Variants in HOXA2 observed in about 807,000 individuals in gnomAD.
HOXA2 encodes homeobox protein Hox-A2.
HOXA2 carries 4 observed loss-of-function variants against 27.2 expected under a neutral mutation model. The observed-to-expected ratio is 0.15, with a 90% confidence interval of 0.07 to 0.34. HOXA2 has a LOEUF of 0.34. HOXA2 is among the 10% of genes least tolerant of loss of function. The probability of loss-of-function intolerance (pLI) is 1.00; values close to 1 mark genes in which losing one functional copy is unlikely to be tolerated. For missense variants in HOXA2, 430 were observed against 473.2 expected, an observed-to-expected ratio of 0.91 and a Z score of 0.85; for synonymous variants, 200 against 202.8, an observed-to-expected ratio of 0.99 and a Z score of 0.12.
intron 1 of HOXA2, chr7:27,101,804 A>T (rs1350384509): frequency 1.5e-6 from 1 of 689,212 alleles, no homozygotes; most frequent in Non-Finnish European, 2.6e-6. Context: ...AAAAAGCCAA[A>T]CTCTAGGACA....
chr7:27,102,240 G>A lies in HOXA2; in HGVS notation c.261C>T (p.Ala87=), dbSNP rs1783941692. 2 of 1,481,838 alleles carry A rather than the reference G, an allele frequency of 1.3e-6. No homozygotes were observed. Among genetic ancestry groups the A allele is most frequent in the African/African-American group, 1.5e-5 (1 of 67,990 alleles). 91.8% of individuals were successfully genotyped at this position (1,481,838 alleles called of 1,614,324 possible). The stretch of plus-strand genomic sequence containing the variant: ...GGTACTCGGGCGGCTGCAGGGCGCC[G>A]GCGGGCACCGGGCTGCCGCGGCTGC... ...PAGSRGSPVP[A]GALQPPEYPW... The change falls in exon 1 of 2, where the codon GCC becomes GCT. Residue 87 remains alanine, a synonymous_variant. Coordinates refer to ENST00000222718, the MANE Select transcript of HOXA2 (RefSeq NM_006735.4). The surrounding 1 kb of genome is among the most constrained non-coding windows in gnomAD (Gnocchi z 4.6).
Position 27,101,356 on chromosome 7 carries a change from G to A in HOXA2, c.501C>T (p.Tyr167=), listed in dbSNP as rs752989766. ...ELEKEFHFNK[Y]LCRPRRVEIA... ...TCTCCACCCTTCGGGGTCTGCAAAG[G>A]TACTTGTTGAAATGAAATTCTTTTT... The change falls in exon 2 of 2, where the codon TAC becomes TAT. Residue 167 remains tyrosine, a synonymous_variant. Transcript: ENST00000222718. 2.5e-6 allele frequency: 4 copies of A among 1,612,772 alleles called. No individual in the cohort carries two copies. The highest frequency in any genetic ancestry group is 2.2e-5 in the East Asian group (1 of 44,878).
Position 27,102,223 on chromosome 7 carries a change from G to A in HOXA2, c.278C>T (p.Pro93Leu). 1 of 1,509,392 alleles carries A rather than the reference G, an allele frequency of 6.6e-7. No individual in the cohort carries two copies. Among genetic ancestry groups the A allele is most frequent in the Non-Finnish European group, 8.9e-7 (1 of 1,129,822 alleles). The allele number at this position is 1,509,392 out of a possible 1,614,324, so 93.5% of individuals were successfully genotyped here. A position where few individuals can be genotyped will look rare whatever the true frequency, so the allele number is the denominator to read the frequency against. The change falls in exon 1 of 2, where the codon CCC becomes CTC. Residue 93 changes from proline (P) to leucine (L), a missense_variant. Pro to Leu is a moderately conservative substitution (Grantham distance 98). Around this residue, in one of 4 missense-constraint regions of HOXA2, gnomAD observed 166 missense variants for 207.6 expected, o/e 0.80. Coordinates refer to ENST00000222718, the MANE Select transcript of HOXA2 (RefSeq NM_006735.4). This position sits in a 1 kb window ranked among gnomAD's most constrained non-coding sequence, Gnocchi z 4.6. The stretch of plus-strand genomic sequence containing the variant: ...CTTCTCCTTCATCCAGGGGTACTCG[G>A]GCGGCTGCAGGGCGCCGGCGGGCAC... ...SPVPAGALQPPEYPWMKEKKA... is the reference protein window; with the variant it reads ...SPVPAGALQPLEYPWMKEKKA...
In HOXA2 at chr7:27,101,408, T is replaced by G. The variant is rs757201406; in HGVS notation, c.449A>C (p.Tyr150Ser). The G allele has an allele frequency of 6.2e-7, 1 of 1,604,302 alleles. No homozygotes were observed. The highest frequency in any genetic ancestry group is 8.5e-7 in the Non-Finnish European group (1 of 1,179,992). Reference sequence around the variant, plus strand: ...CAGCTCTAGAAGCTGTGTGTTGGTGTAAGCAGTTCTCAGGCGCCGCGATCC... The same window carrying G: ...CAGCTCTAGAAGCTGTGTGTTGGTGGAAGCAGTTCTCAGGCGCCGCGATCC... ...GGGSRRLRTA[Y>S]TNTQLLELEK... The change falls in exon 2 of 2, where the codon TAC becomes TCC. Residue 150 changes from tyrosine to serine, a missense_variant. This residue lies in a region of HOXA2 where 2 missense variants were observed against 16.1 expected (regional missense o/e 0.12). Transcript: ENST00000222718.
chr7:27,101,573 CA>C, intron 1 of HOXA2, 108 bp from the exon 2 acceptor site: 1 of 1,313,916 alleles, frequency 7.6e-7, no homozygotes, highest in Non-Finnish European at 1.1e-6. Context: ...TCAACTGCAA[CA>C]AAATGGCCGC....
Position 27,100,987 on chromosome 7 carries a change from CTG to C in HOXA2, c.868_869del (p.Gln290ValfsTer22). 1.9e-6 allele frequency: 3 copies of C among 1,614,204 alleles called. No homozygotes were observed. The highest frequency in any genetic ancestry group is 2.5e-6 in the Non-Finnish European group (3 of 1,180,048). ...ACAAGCAGTTGGGAACAGTGGGTGA[CTG>C]GTGCTGAAAATGTTTCAGATTTTTC... ...NEKNLKHFQHQSPTVPNCLST... is the reference protein window; with the variant it reads ...NEKNLKHFQHXSPTVPNCLST... On this transcript the variant is annotated frameshift_variant, in exon 2 of 2. Coordinates refer to ENST00000222718, the MANE Select transcript of HOXA2 (RefSeq NM_006735.4).
rs764835609 is a variant in HOXA2 at position 27,102,135 on chromosome 7, G to T, written c.366C>A (p.Thr122=). 1.9e-6 allele frequency: 3 copies of T among 1,598,750 alleles called. No homozygotes were observed. The highest frequency in any genetic ancestry group is 1.7e-5 in the Admixed American group (1 of 58,114). The change falls in exon 1 of 2, where the codon ACC becomes ACA. Residue 122 remains threonine, a synonymous_variant. Transcript: ENST00000222718. This position sits in a 1 kb window ranked among gnomAD's most constrained non-coding sequence, Gnocchi z 4.6. ...AAAAAATAAA[T]GPACLSHKES... Reference sequence around the variant, plus strand: ...CTTTGTGGCTGAGGCAAGCAGGGCCGGTGGCTGCGGCGGTGGCGGCGGCGG... The same window carrying T: ...CTTTGTGGCTGAGGCAAGCAGGGCCTGTGGCTGCGGCGGTGGCGGCGGCGG...
Position 27,102,560 on chromosome 7 carries a change from G to A in HOXA2, c.-60C>T. 2 of 1,549,418 alleles carry A rather than the reference G, an allele frequency of 1.3e-6. No individual in the cohort carries two copies. The highest frequency in any genetic ancestry group is 2.2e-5 in the East Asian group (1 of 44,534). On this transcript the variant is annotated 5_prime_UTR_variant, in exon 1 of 2. Transcript: ENST00000222718. The surrounding 1 kb of genome is among the most constrained non-coding windows in gnomAD (Gnocchi z 4.6). Reference sequence around the variant, plus strand: ...TCCCTCTTTTGGAGGGGCTTTGGGGGGGCAAGGCCTAGGAAAAAGGCGAGC... The same window carrying A: ...TCCCTCTTTTGGAGGGGCTTTGGGGAGGCAAGGCCTAGGAAAAAGGCGAGC...
rs762323908 is a variant in HOXA2, at chr7:27,101,092, G to A, written c.765C>T (p.Ala255=). 4.3e-6 allele frequency: 7 copies of A among 1,614,086 alleles called. No individual in the cohort carries two copies. The highest frequency in any genetic ancestry group is 5.9e-6 in the Non-Finnish European group (7 of 1,180,048). ...CATTGGGAGCCTGCTGCTGAGAGAG[G>A]GCATTTTGCTGAAAAGTGTAGCCTT... ...EREGYTFQQN[A]LSQQQAPNGH... The change falls in exon 2 of 2, where the codon GCC becomes GCT. Residue 255 remains alanine, a synonymous_variant. Coordinates refer to ENST00000222718, the MANE Select transcript of HOXA2 (RefSeq NM_006735.4).
chr7:27,101,176 C>T lies in HOXA2; in HGVS notation c.681G>A (p.Glu227=). The change falls in exon 2 of 2, where the codon GAG becomes GAA. Residue 227 remains glutamate (E), a synonymous_variant. Transcript: ENST00000222718. ...CTTGCTCAAAGAGCGTCTTCTCTTC[C>T]TCGTCCTCCTCTACTTTCTCGGAGT... The part of the protein sequence containing the change: ...LEDSEKVEED[E]EEKTLFEQAL... The T allele has an allele frequency of 1.2e-6, 2 of 1,614,178 alleles. No homozygotes were observed. Among genetic ancestry groups the T allele is most frequent in the Non-Finnish European group, 8.5e-7 (1 of 1,180,024 alleles).
chr7:27,100,987 C>T lies in HOXA2; in HGVS notation c.870G>A (p.Gln290=). 2.5e-6 allele frequency: 4 copies of T among 1,614,204 alleles called. No homozygotes were observed. Among genetic ancestry groups the T allele is most frequent in the Non-Finnish European group, 3.4e-6 (4 of 1,180,048 alleles). ...ACAAGCAGTTGGGAACAGTGGGTGACTGGTGCTGAAAATGTTTCAGATTTT... is the reference window on the plus strand; with the variant it reads ...ACAAGCAGTTGGGAACAGTGGGTGATTGGTGCTGAAAATGTTTCAGATTTT... ...NEKNLKHFQH[Q]SPTVPNCLST... is the part of the protein sequence containing the mutation. Residue 290 remains glutamine (Q), a synonymous_variant, in exon 2 of 2, where the codon CAG becomes CAA. Coordinates refer to ENST00000222718, the MANE Select transcript of HOXA2 (RefSeq NM_006735.4).
rs751247463 is a variant in HOXA2, at chr7:27,100,685, G to T, written c.*41C>A. Reference sequence around the variant, plus strand: ...AAGAAGGCAAAACCACCTGGTCAAAGGAGTTTTTGTTTGGTGATGCTTTGT... The same window carrying T: ...AAGAAGGCAAAACCACCTGGTCAAATGAGTTTTTGTTTGGTGATGCTTTGT... On this transcript the variant is annotated 3_prime_UTR_variant, in exon 2 of 2. Transcript: ENST00000222718. The T allele has an allele frequency of 6.2e-7, 1 of 1,611,926 alleles. No homozygotes were observed. Among genetic ancestry groups the T allele is most frequent in the Non-Finnish European group, 8.5e-7 (1 of 1,178,520 alleles).
rs755550406 is a variant in HOXA2 at position 27,101,789 on chromosome 7, C to G, written c.391+321G>C. ...AAGAGCGATCTATCACTCTTCATTA[C>G]TGTCAAAAAGCCAAACTCTAGGACA... On this transcript the variant is annotated intron_variant, in intron 1 of 1. Transcript: ENST00000222718. 4.8e-5 allele frequency: 33 copies of G among 686,738 alleles called. 1 individual carries two copies. In the South Asian group the frequency reaches 4.8e-4, roughly 10 times the overall value. 42.5% of individuals were successfully genotyped at this position (686,738 alleles called of 1,614,324 possible). A position where few individuals can be genotyped will look rare whatever the true frequency, so the allele number is the denominator to read the frequency against.
Position 27,100,615 on chromosome 7 carries a change from G to C in HOXA2, c.*111C>G. 1 of 1,146,756 alleles carries C rather than the reference G, an allele frequency of 8.7e-7. No individual in the cohort carries two copies. The highest frequency in any genetic ancestry group is 1.3e-6 in the Non-Finnish European group (1 of 770,060). 71.0% of individuals were successfully genotyped at this position (1,146,756 alleles called of 1,614,324 possible). ...GAAAATCCTCAACACTTAAAGGAGG[G>C]AAGGGGTAGGTCAAGAAGAAAATAA... On this transcript the variant is annotated 3_prime_UTR_variant, in exon 2 of 2. Coordinates refer to ENST00000222718, the MANE Select transcript of HOXA2 (RefSeq NM_006735.4).
In HOXA2 at chr7:27,102,577, A is replaced by G; in HGVS notation, c.-77T>C. On this transcript the variant is annotated 5_prime_UTR_variant, in exon 1 of 2. Transcript: ENST00000222718. The surrounding 1 kb of genome is among the most constrained non-coding windows in gnomAD (Gnocchi z 4.6). Reference sequence around the variant, plus strand: ...CTTTGGGGGGGCAAGGCCTAGGAAAAAGGCGAGCGCAGAGGAAAAAAAATC... The same window carrying G: ...CTTTGGGGGGGCAAGGCCTAGGAAAGAGGCGAGCGCAGAGGAAAAAAAATC... The G allele has an allele frequency of 6.8e-7, 1 of 1,460,204 alleles. No individual in the cohort carries two copies. Among genetic ancestry groups the G allele is most frequent in the Non-Finnish European group, 9.5e-7 (1 of 1,052,412 alleles). 90.5% of individuals were successfully genotyped at this position (1,460,204 alleles called of 1,614,324 possible).
chr7:27,101,367 AATGAAATTCTTTTTCC>A lies in HOXA2; in HGVS notation c.474_489del (p.Glu159SerfsTer19). On this transcript the variant is annotated frameshift_variant, in exon 2 of 2. Transcript: ENST00000222718. ...CGGGGTCTGCAAAGGTACTTGTTGA[AATGAAATTCTTTTTCC>A]AGCTCTAGAAGCTGTGTGTTGGTGT... 1.2e-6 allele frequency: 2 copies of A among 1,611,606 alleles called. No individual in the cohort carries two copies. The highest frequency in any genetic ancestry group is 1.7e-6 in the Non-Finnish European group (2 of 1,180,032).
At position 27,102,552 on chromosome 7, in the gene HOXA2, C is replaced by CT; in HGVS notation, c.-53dup. On this transcript the variant is annotated 5_prime_UTR_variant, in exon 1 of 2. It removes the in-frame stop codon of an upstream open reading frame in the 5' UTR. Coordinates refer to ENST00000222718, the MANE Select transcript of HOXA2 (RefSeq NM_006735.4). The surrounding 1 kb of genome is among the most constrained non-coding windows in gnomAD (Gnocchi z 4.6). ...GAAAAAGTTCCCTCTTTTGGAGGGG[C>CT]TTTGGGGGGGCAAGGCCTAGGAAAA... 6.3e-7 allele frequency: 1 copy of CT among 1,578,810 alleles called. No homozygotes were observed. Among genetic ancestry groups the CT allele is most frequent in the Non-Finnish European group, 8.7e-7 (1 of 1,154,658 alleles).
At position 27,100,860 on chromosome 7, in the gene HOXA2, A is replaced by C. The variant is rs1249997918; in HGVS notation, c.997T>G (p.Cys333Gly). The change falls in exon 2 of 2, where the codon TGC becomes GGC. Residue 333 changes from cysteine (C) to glycine (G), a missense_variant. This residue lies in a region of HOXA2 where 236 missense variants were observed against 208.5 expected (regional missense o/e 1.13). Transcript: ENST00000222718. ...QDFSVFSTDS[C>G]LQLSDAVSPS... ...GAAACTGCATCTGAAAGCTGCAGGC[A>C]GGAATCTGTGGAGAAAACGCTAAAG... 6.2e-7 allele frequency: 1 copy of C among 1,614,142 alleles called. No homozygotes were observed. The highest frequency in any genetic ancestry group is 2.2e-5 in the East Asian group (1 of 44,900).
Position 27,100,532 on chromosome 7 carries a change from C to G in HOXA2, c.*194G>C. 1.6e-6 allele frequency: 1 copy of G among 638,664 alleles called. No individual in the cohort carries two copies. Among genetic ancestry groups the G allele is most frequent in the South Asian group, 2.0e-5 (1 of 50,686 alleles). 39.6% of individuals were successfully genotyped at this position (638,664 alleles called of 1,614,324 possible). A position where few individuals can be genotyped will look rare whatever the true frequency, so the allele number is the denominator to read the frequency against. On this transcript the variant is annotated 3_prime_UTR_variant, in exon 2 of 2. Coordinates refer to ENST00000222718, the MANE Select transcript of HOXA2 (RefSeq NM_006735.4). ...AGTTAGGTTTAAAACAACTAAAACT[C>G]CAAAATAATCTGTAAAAGATGGCTC...
Sources: allele counts gnomAD v4.1 joint callset, GRCh38; gene constraint gnomAD v4.1.1; regional missense constraint gnomAD v4.1.1; non-coding constraint Gnocchi (gnomAD v3.1); transcripts MANE v1.5; gene names NCBI Gene and HGNC (gene_info 2026-07-23, HGNC 2026-07-21).